Variants in ROR2 observed in about 807,000 individuals in gnomAD.
ROR2 encodes ROR family WNT receptor 2.
ROR2 carries 33 observed loss-of-function variants against 74.9 expected under a neutral mutation model. The observed-to-expected ratio is 0.44, with a 90% confidence interval of 0.33 to 0.59. ROR2 has a LOEUF of 0.59. Among genes scored for constraint, ROR2 ranks in the 20% least tolerant of loss-of-function variants. ROR2 has a pLI of 0.02. For synonymous variants in ROR2, 586 were observed against 558.7 expected (o/e 1.05, Z -0.69); for missense variants, 1,216 against 1,313.8 (o/e 0.93, Z 1.15).
At chr9:91,774,377 T>C (rs948914250) in intron 2 of ROR2, among the ~76,000 whole-genome samples, 4 of 152,240 alleles carry the variant, frequency 2.6e-5, no homozygotes, top group Admixed American at 2.6e-4. Flanking sequence ...GTGGCTGTTC[T>C]GGCAGTTGAT....
At chr9:91,768,603 C>T (rs1244890908) in intron 2 of ROR2, among the ~76,000 whole-genome samples, 1 of 152,190 alleles carries the variant, frequency 6.6e-6, no homozygotes, top group Non-Finnish European at 1.5e-5. Context: ...ACCATAGGGA[C>T]GCCACCCCGC....
At chr9:91,780,583 G>C (rs1826583763) in intron 1 of ROR2, among the ~76,000 whole-genome samples, 1 of 152,024 alleles carries the variant, frequency 6.6e-6, no homozygotes, top group South Asian at 2.1e-4. Context: ...CTGAGGTCAG[G>C]AGTTTGAGAC....
chr9:91,904,055 G>T (rs556003648), intron 1 of ROR2, among the ~76,000 whole-genome samples: 4 of 151,232 alleles, frequency 2.6e-5, no homozygotes, highest in South Asian at 2.1e-4. Flanking sequence ...TTTTTTTGGG[G>T]GGGGGGACAG....
intron 1 of ROR2, among the ~76,000 whole-genome samples, chr9:91,849,835 T>G (rs1011504897): frequency 6.6e-6 from 1 of 152,198 alleles, no homozygotes; most frequent in African/African-American, 2.4e-5. Flanking sequence ...TTTGAACATG[T>G]TGTTTGGCCT....
At chr9:91,917,240 C>G (rs775642548) in intron 1 of ROR2, among the ~76,000 whole-genome samples, 1 of 152,198 alleles carries the variant, frequency 6.6e-6, no homozygotes, top group Non-Finnish European at 1.5e-5. Flanking sequence ...TACCCCCTTA[C>G]GCTGGGTCTG....
At chr9:91,886,035 C>T (rs1046417044) in intron 1 of ROR2, among the ~76,000 whole-genome samples, 1 of 151,946 alleles carries the variant, frequency 6.6e-6, no homozygotes, top group Non-Finnish European at 1.5e-5. Flanking sequence ...ACCACTACGT[C>T]CGGCTAATTT....
intron 5 of ROR2, among the ~76,000 whole-genome samples, chr9:91,736,210 G>C (rs979384119): frequency 5.3e-5 from 8 of 152,162 alleles, no homozygotes; most frequent in African/African-American, 1.9e-4. Context: ...TCTCATGATG[G>C]CTCTTTCAGT....
At chr9:91,837,236 C>G (rs140500252) in intron 1 of ROR2, among the ~76,000 whole-genome samples, 1 of 152,260 alleles carries the variant, frequency 6.6e-6, no homozygotes, top group African/African-American at 2.4e-5. Flanking sequence ...CCACGCCCAG[C>G]TAGTTTTTTG....
chr9:91,835,513 A>G (rs1828586478), intron 1 of ROR2, among the ~76,000 whole-genome samples: 1 of 151,614 alleles, frequency 6.6e-6, no homozygotes, highest in South Asian at 2.1e-4. Flanking sequence ...TTAAATGTAG[A>G]TTGGAACTCT....
Position 91,743,573 on chromosome 9 carries a change from AAAAAAAG to A in ROR2, c.495-6062_495-6056del, listed in dbSNP as rs991141797. On this transcript the variant is annotated intron_variant, in intron 4 of 8. Coordinates refer to ENST00000375708, the MANE Select transcript of ROR2 (RefSeq NM_004560.4). ...GTGACAGAGTAGGACTCCATCTCAA[AAAAAAAG>A]AAAAAAGAAAAGAAAAATACGATAA... Among the ~76,000 whole-genome samples, 21 of 152,294 alleles carry A rather than the reference AAAAAAAG, an allele frequency of 1.4e-4. 1 individual carries two copies. Among genetic ancestry groups the A allele is most frequent in the Admixed American group, 1.0e-3 (16 of 15,294 alleles).
intron 1 of ROR2, among the ~76,000 whole-genome samples, chr9:91,864,003 C>T (rs1829553911): frequency 1.3e-5 from 2 of 152,130 alleles, no homozygotes; most frequent in South Asian, 4.1e-4. Flanking sequence ...ACTAGAAAGA[C>T]ACACAAGGAA....
chr9:91,935,573 T>C (rs376237739), intron 1 of ROR2, among the ~76,000 whole-genome samples: 73 of 152,316 alleles, frequency 4.8e-4, no homozygotes, highest in African/African-American at 1.7e-3. Context: ...GATGTTTGCT[T>C]TTGTTGGCTT....
chr9:91,821,299 T>A (rs971312620), intron 1 of ROR2, among the ~76,000 whole-genome samples: 10 of 152,224 alleles, frequency 6.6e-5, no homozygotes, highest in African/African-American at 2.4e-4. Flanking sequence ...ACCCAGTCTG[T>A]GGCATTTTAT....
intron 1 of ROR2, among the ~76,000 whole-genome samples, chr9:91,921,710 A>C (rs755286685): frequency 6.6e-6 from 1 of 152,132 alleles, no homozygotes; most frequent in Non-Finnish European, 1.5e-5. Flanking sequence ...CTAAAAACAC[A>C]AAAGTAGCCA....
intron 1 of ROR2, among the ~76,000 whole-genome samples, chr9:91,807,078 C>T (rs1256421794): frequency 6.6e-6 from 1 of 152,150 alleles, no homozygotes; most frequent in Non-Finnish European, 1.5e-5. Flanking sequence ...GGGTCCTGCC[C>T]CCTACCCTGG....
At chr9:91,901,260 C>A (rs950067930) in intron 1 of ROR2, among the ~76,000 whole-genome samples, 1 of 152,170 alleles carries the variant, frequency 6.6e-6, no homozygotes, top group Non-Finnish European at 1.5e-5. Context: ...TCCAACTGTA[C>A]CCATGGGAAA....
chr9:91,916,439 G>A (rs1831137555), intron 1 of ROR2, among the ~76,000 whole-genome samples: 1 of 152,166 alleles, frequency 6.6e-6, no homozygotes, highest in African/African-American at 2.4e-5. Context: ...ACTCCCTGCA[G>A]GGAGTCCTGA....
intron 1 of ROR2, among the ~76,000 whole-genome samples, chr9:91,858,219 G>A (rs1436524677): frequency 6.6e-6 from 1 of 152,254 alleles, no homozygotes; most frequent in East Asian, 1.9e-4. Context: ...GCTAACTGAG[G>A]TGGGGGTGCG....
intron 1 of ROR2, among the ~76,000 whole-genome samples, chr9:91,860,441 G>A (rs1829437340): frequency 6.6e-6 from 1 of 152,182 alleles, no homozygotes; most frequent in African/African-American, 2.4e-5. Context: ...AGTCAGAGTT[G>A]GCCAGAGAGA....
Sources: gnomAD v4.1 joint callset for allele counts (sites outside exome capture counted in the v4.1 genomes callset) on GRCh38, gnomAD v4.1.1 for gene constraint, MANE v1.5 for transcripts, NCBI Gene and HGNC (gene_info 2026-07-23, HGNC 2026-07-21) for gene names.